Variants in LAMB4 observed in about 807,000 individuals in gnomAD.
LAMB4 encodes laminin subunit beta-4.
In LAMB4, 196 loss-of-function variants were observed where a neutral mutation model predicts 199.2. The ratio of observed to expected loss-of-function variants is 0.98; its 90% CI spans 0.88 to 1.11. The LOEUF is 1.11. LAMB4 is among the 50% of genes least tolerant of loss of function. The pLI is 0.00. For missense variants in LAMB4, 2,080 were observed against 2,171.2 expected (o/e 0.96, Z 0.83); for synonymous variants, 744 against 770.6 (o/e 0.97, Z 0.57).
chr7:108,065,244 A>C lies in LAMB4; in HGVS notation c.2836+518T>G, dbSNP rs550568345. On this transcript the variant is annotated intron_variant, in intron 21 of 33. Transcript: ENST00000388781. ...TTAAAGTCTTTAAAATAAAATTTTC[A>C]ATTGAGCAAGAGATACATGTTTTGA... 5.9e-5 allele frequency among the ~76,000 whole-genome samples: 9 copies of C among 152,270 alleles called. No individual in the cohort carries two copies. In the South Asian group the frequency reaches 1.9e-3, roughly 32 times the overall value.
intron 25 of LAMB4, among the ~76,000 whole-genome samples, chr7:108,055,155 G>A (rs1343523600): frequency 6.6e-6 from 1 of 150,816 alleles, no homozygotes; most frequent in Admixed American, 6.6e-5. Context: ...CTAACTAGGT[G>A]AGAAAAAAGT....
At chr7:108,099,567 G>C (rs1400485437) in intron 10 of LAMB4, among the ~76,000 whole-genome samples, 1 of 152,184 alleles carries the variant, frequency 6.6e-6, no homozygotes, top group Non-Finnish European at 1.5e-5. Context: ...CAAATGTGTT[G>C]TTGGGCATTA....
At position 108,095,218 on chromosome 7, in the gene LAMB4, A is replaced by G. The variant is rs1354513364; in HGVS notation, c.1470+10T>C. 3 of 1,598,726 alleles carry G rather than the reference A, an allele frequency of 1.9e-6. No individual in the cohort carries two copies. Among genetic ancestry groups the G allele is most frequent in the Admixed American group, 1.7e-5 (1 of 59,910 alleles). On this transcript the variant is annotated intron_variant, in intron 12 of 33. Transcript: ENST00000388781. Reference sequence around the variant, plus strand: ...ACTATAGAAAAGGGAAACTATAGGCAAATACATACAGTGCATTCTTCGCAG... The same window carrying G: ...ACTATAGAAAAGGGAAACTATAGGCGAATACATACAGTGCATTCTTCGCAG...
chr7:108,105,434 C>A lies in LAMB4; in HGVS notation c.870+383G>T, dbSNP rs528838378. Among the ~76,000 whole-genome samples the A allele has an allele frequency of 1.1e-4, 17 of 152,256 alleles. No homozygotes were observed. The South Asian group carries it at 2.3e-3, about 20-fold the overall frequency. ...ATGTGAAATTATTAGGTTGGTACAA[C>A]AGTAATTTTGGTTTTTGCAATTAAA... is the stretch of plus-strand genomic sequence containing the variant. On this transcript the variant is annotated intron_variant, in intron 8 of 33. Transcript: ENST00000388781.
rs781457769 is a variant in LAMB4, at chr7:108,062,774, C to G, written c.3282G>C (p.Gln1094His). The G allele has an allele frequency of 1.4e-6, 2 of 1,420,260 alleles. No homozygotes were observed. Among genetic ancestry groups the G allele is most frequent in the Non-Finnish European group, 1.9e-6 (2 of 1,079,598 alleles). 88.0% of individuals were successfully genotyped at this position (1,420,260 alleles called of 1,614,324 possible). The change falls in exon 23 of 34, where the codon CAG becomes CAC. Residue 1094 changes from glutamine to histidine, a missense_variant and splice_region_variant. Coordinates refer to ENST00000388781, the MANE Select transcript of LAMB4 (RefSeq NM_007356.3). The part of the protein sequence containing the change: ...PRTSQSSHCD[Q>H]LTGQCPCKLG... ...ACTAGTAAGCTTTAAAGTATCTTGCCTGGTCACAGTGGCTACTTTGAGAGG... is the reference window on the plus strand; with the variant it reads ...ACTAGTAAGCTTTAAAGTATCTTGCGTGGTCACAGTGGCTACTTTGAGAGG...
intron 3 of LAMB4, among the ~76,000 whole-genome samples, chr7:108,114,918 G>T (rs2038355656): frequency 6.6e-6 from 1 of 152,156 alleles, no homozygotes; most frequent in Admixed American, 6.5e-5. Flanking sequence ...AGGGGAAAAG[G>T]CACAAAACTA....
Position 108,073,249 on chromosome 7 carries a change from G to A in LAMB4, c.2125-3364C>T, listed in dbSNP as rs763507945. 2.1e-4 allele frequency among the ~76,000 whole-genome samples: 32 copies of A among 152,118 alleles called. 1 individual carries two copies. Among genetic ancestry groups the A allele is most frequent in the East Asian group, 3.9e-4 (2 of 5,172 alleles). Reference sequence around the variant, plus strand: ...TCAAACTCCTGATGTCCGGTGATCCGCCCACCTCGGCCTCCCAAAGTGCTG... The same window carrying A: ...TCAAACTCCTGATGTCCGGTGATCCACCCACCTCGGCCTCCCAAAGTGCTG... On this transcript the variant is annotated intron_variant, in intron 17 of 33. Coordinates refer to ENST00000388781, the MANE Select transcript of LAMB4 (RefSeq NM_007356.3).
Position 108,109,167 on chromosome 7 carries a change from G to T in LAMB4, c.402+4C>A. 2 of 1,599,832 alleles carry T rather than the reference G, an allele frequency of 1.3e-6. No individual in the cohort carries two copies. The highest frequency in any genetic ancestry group is 2.2e-5 in the South Asian group (2 of 90,742). On this transcript the variant is annotated splice_donor_region_variant and intron_variant, in intron 5 of 33. Coordinates refer to ENST00000388781, the MANE Select transcript of LAMB4 (RefSeq NM_007356.3). Reference sequence around the variant, plus strand: ...AGAGGGGCAGCAGGCCTATTAGTCTGTACCTTAAAGGTCAGGATAAGGTGG... The same window carrying T: ...AGAGGGGCAGCAGGCCTATTAGTCTTTACCTTAAAGGTCAGGATAAGGTGG...
At chr7:108,065,383 G>A (rs913088834) in intron 21 of LAMB4, among the ~76,000 whole-genome samples, 1 of 152,098 alleles carries the variant, frequency 6.6e-6, no homozygotes, top group Non-Finnish European at 1.5e-5. Context: ...TGTAAAGAAA[G>A]CATTTGACTA....
At chr7:108,092,313 T>C in intron 13 of LAMB4, 24 bp downstream of exon 13, 1 of 1,561,208 alleles carries the variant, frequency 6.4e-7, no homozygotes, top group Non-Finnish European at 8.8e-7. Flanking sequence ...TAAGGAATAT[T>C]GCTATAAAAC....
intron 33 of LAMB4, among the ~76,000 whole-genome samples, chr7:108,025,417 C>CTTT (rs772964568): frequency 3.7e-5 from 4 of 107,860 alleles, no homozygotes; most frequent in African/African-American, 2.0e-4. Flanking sequence ...TTCTTTCTTT[C>CTTT]TTCTTTCTTT....
intron 29 of LAMB4, among the ~76,000 whole-genome samples, chr7:108,041,408 G>A (rs1299979375): frequency 6.6e-6 from 1 of 152,148 alleles, no homozygotes; most frequent in Middle Eastern, 3.2e-3. Flanking sequence ...TATACCCAAA[G>A]GGTTAGACAT....
intron 28 of LAMB4, among the ~76,000 whole-genome samples, chr7:108,044,465 C>T (rs866232047): frequency 5.3e-5 from 8 of 152,262 alleles, no homozygotes; most frequent in South Asian, 4.1e-4. Flanking sequence ...GAATAATAGG[C>T]TAGCAAACTA....
At chr7:108,113,775 A>C (rs1330942664) in intron 3 of LAMB4, among the ~76,000 whole-genome samples, 1 of 152,194 alleles carries the variant, frequency 6.6e-6, no homozygotes, top group Non-Finnish European at 1.5e-5. Context: ...TGGATAATTT[A>C]ATAGGTCAAT....
intron 14 of LAMB4, among the ~76,000 whole-genome samples, chr7:108,090,955 A>G (rs1017481382): frequency 6.6e-6 from 1 of 152,126 alleles, no homozygotes; most frequent in Admixed American, 6.5e-5. Context: ...ATCTGTCCTT[A>G]CAGATAAGGA....
chr7:108,015,753 T>C, the LAMB4 span, among the ~76,000 whole-genome samples: 2 of 115,478 alleles, frequency 1.7e-5, no homozygotes, highest in East Asian at 4.2e-4. Flanking sequence ...GAAGACTTTT[T>C]TTTTTTTTTT....
In LAMB4 at chr7:108,030,822, GC is replaced by G; in HGVS notation, c.4975del (p.Ala1659LeufsTer11). On this transcript the variant is annotated frameshift_variant, in exon 32 of 34. Coordinates refer to ENST00000388781, the MANE Select transcript of LAMB4 (RefSeq NM_007356.3). LOFTEE classifies it high-confidence loss of function. ...ACTAATGACCTTCTCAAGACTCCCA[GC>G]CTGGTGTTGGGCAGATTCAGCCTGA... ...KVQAESAQHQ[A>X]GSLEKEFVEL... 6.2e-7 allele frequency: 1 copy of G among 1,614,056 alleles called. No individual in the cohort carries two copies. The highest frequency in any genetic ancestry group is 8.5e-7 in the Non-Finnish European group (1 of 1,179,962).
chr7:108,087,987 T>A (rs1462727033), intron 14 of LAMB4, among the ~76,000 whole-genome samples: 1 of 152,224 alleles, frequency 6.6e-6, no homozygotes, highest in African/African-American at 2.4e-5. Flanking sequence ...CATTACCATA[T>A]CATTCATTTA....
chr7:108,031,122 A>C, intron 31 of LAMB4, 143 bp from the exon 32 acceptor site: 1 of 584,696 alleles, frequency 1.7e-6, no homozygotes, highest in Non-Finnish European at 2.9e-6. Context: ...GCATTTATTT[A>C]AAATATTATA....
Sources: gnomAD v4.1 joint callset for allele counts (sites outside exome capture counted in the v4.1 genomes callset) on GRCh38, gnomAD v4.1.1 for gene constraint, MANE v1.5 for transcripts, NCBI Gene and HGNC (gene_info 2026-07-23, HGNC 2026-07-21) for gene names.